Variants in CDK14 observed in about 807,000 individuals in gnomAD.
CDK14 encodes cyclin dependent kinase 14.
A neutral mutation model predicts 60.7 loss-of-function variants in CDK14; 34 were observed. That is an observed-to-expected ratio of 0.56 (90% CI 0.43 to 0.75). The LOEUF (loss-of-function observed/expected upper bound fraction) is 0.75. CDK14 is among the 30% of genes least tolerant of loss of function. CDK14 has a pLI of 0.00. For synonymous variants in CDK14, 197 were observed against 203.7 expected, an observed-to-expected ratio of 0.97 and a Z score of 0.28; for missense variants, 482 against 564.1, an observed-to-expected ratio of 0.85 and a Z score of 1.47.
At chr7:90,834,560 T>G (rs1184216777) in intron 5 of CDK14, among the ~76,000 whole-genome samples, 1 of 152,162 alleles carries the variant, frequency 6.6e-6, no homozygotes, top group African/African-American at 2.4e-5. Context: ...AAAAGAGTAC[T>G]TTGCATTTGG....
intron 8 of CDK14, among the ~76,000 whole-genome samples, chr7:90,946,676 A>G (rs1794111047): frequency 6.6e-6 from 1 of 152,208 alleles, no homozygotes; most frequent in Non-Finnish European, 1.5e-5. Context: ...TGTTTTAAAA[A>G]TTCACTTCAG....
intron 1 of CDK14, among the ~76,000 whole-genome samples, chr7:90,602,032 C>T (rs1026610302): frequency 1.3e-5 from 2 of 152,110 alleles, no homozygotes; most frequent in Non-Finnish European, 2.9e-5. Context: ...GTCTCAAACT[C>T]CTGAGCTCTG....
chr7:90,656,123 G>A (rs1296702946), intron 2 of CDK14, among the ~76,000 whole-genome samples: 1 of 152,166 alleles, frequency 6.6e-6, no homozygotes, highest in Non-Finnish European at 1.5e-5. Flanking sequence ...CAAACAGAGT[G>A]CACTCACTTT....
At chr7:90,733,880 G>C (rs1802975765) in intron 3 of CDK14, among the ~76,000 whole-genome samples, 1 of 152,184 alleles carries the variant, frequency 6.6e-6, no homozygotes, top group South Asian at 2.1e-4. Context: ...TTGCCCATTA[G>C]TTGATGCAGT....
chr7:91,097,160 C>A (rs1799016234), intron 12 of CDK14, among the ~76,000 whole-genome samples: 1 of 152,086 alleles, frequency 6.6e-6, no homozygotes, highest in Non-Finnish European at 1.5e-5. Context: ...GCAGGTGGAT[C>A]ACCTGAAGTC....
intron 2 of CDK14, among the ~76,000 whole-genome samples, chr7:90,656,308 C>T (rs118134444): frequency 0.017 from 2,515 of 152,034 alleles, 35 homozygotes; most frequent in Non-Finnish European, 0.025. Context: ...AAACTAAATA[C>T]GTCATGCATG....
At chr7:90,865,797 C>T (rs569623197) in intron 6 of CDK14, among the ~76,000 whole-genome samples, 2 of 152,212 alleles carry the variant, frequency 1.3e-5, no homozygotes, top group South Asian at 4.1e-4. Context: ...CTCTCAACAG[C>T]CTCATGGAAC....
chr7:90,740,302 GAGAA>G (rs1803294339), intron 3 of CDK14, among the ~76,000 whole-genome samples: 1 of 151,570 alleles, frequency 6.6e-6, no homozygotes, highest in Non-Finnish European at 1.5e-5. Context: ...AAGAAAGAAA[GAGAA>G]AGAGTGTGTG....
Position 91,008,140 on chromosome 7 carries a change from AAAAAACAAAC to A in CDK14, c.1041+23905_1041+23914del, listed in dbSNP as rs1314986409. Among the ~76,000 whole-genome samples the A allele has an allele frequency of 8.2e-5, 12 of 146,680 alleles. 2 individuals are homozygous for A. The South Asian group carries it at 8.7e-4, about 11-fold the overall frequency. On this transcript the variant is annotated intron_variant, in intron 10 of 14. Transcript: ENST00000380050. ...CCGGGAGAAGGCCAAAAAAAAAAAA[AAAAAACAAAC>A]AAAAAAAAACAGTGGATGGTGGAGG...
intron 4 of CDK14, among the ~76,000 whole-genome samples, chr7:90,759,691 G>A (rs973384213): frequency 3.9e-5 from 6 of 152,164 alleles, no homozygotes; most frequent in Non-Finnish European, 8.8e-5. Flanking sequence ...TCTCCCTGGG[G>A]CAGGGTCCTC....
intron 3 of CDK14, among the ~76,000 whole-genome samples, chr7:90,728,761 G>C (rs550479774): frequency 1.1e-3 from 174 of 152,178 alleles, no homozygotes; most frequent in African/African-American, 4.0e-3. Context: ...TATGTTATGA[G>C]TAATGTACTC....
chr7:90,859,711 A>G (rs2117208676), intron 5 of CDK14, among the ~76,000 whole-genome samples: 1 of 152,228 alleles, frequency 6.6e-6, no homozygotes, highest in East Asian at 1.9e-4. Context: ...GTTGCAGTTA[A>G]TGAACTTGGA....
intron 10 of CDK14, among the ~76,000 whole-genome samples, chr7:90,996,877 A>T (rs1171714563): frequency 2.0e-5 from 3 of 152,220 alleles, no homozygotes; most frequent in Admixed American, 2.0e-4. Flanking sequence ...CTTCTCCAGG[A>T]CAAAAGCAAA....
intron 2 of CDK14, among the ~76,000 whole-genome samples, chr7:90,606,965 A>G (rs1799430588): frequency 6.6e-6 from 1 of 152,194 alleles, no homozygotes; most frequent in Non-Finnish European, 1.5e-5. Flanking sequence ...TAAATAATGT[A>G]ACAACCAACA....
chr7:91,015,393 A>T (rs1296811618), intron 10 of CDK14, among the ~76,000 whole-genome samples: 1 of 151,996 alleles, frequency 6.6e-6, no homozygotes, highest in Non-Finnish European at 1.5e-5. Flanking sequence ...GATCAAACAG[A>T]TTGTACTTAC....
intron 11 of CDK14, among the ~76,000 whole-genome samples, chr7:91,048,156 A>G (rs1020851784): frequency 1.3e-5 from 2 of 152,174 alleles, no homozygotes; most frequent in Admixed American, 6.5e-5. Context: ...CCCCTCTGCC[A>G]ACTTCCCCTG....
intron 2 of CDK14, among the ~76,000 whole-genome samples, chr7:90,652,225 AG>A (rs1327085096): frequency 6.6e-6 from 1 of 152,222 alleles, no homozygotes; most frequent in Non-Finnish European, 1.5e-5. Flanking sequence ...TAAAATTTGA[AG>A]TACTTGCTGA....
intron 8 of CDK14, among the ~76,000 whole-genome samples, chr7:90,953,895 A>G (rs1222735599): frequency 6.6e-6 from 1 of 152,156 alleles, no homozygotes; most frequent in Non-Finnish European, 1.5e-5. Context: ...GAGACACTTT[A>G]TCATCTTGAT....
chr7:91,000,296 A>G (rs1283483936), intron 10 of CDK14, among the ~76,000 whole-genome samples: 1 of 152,208 alleles, frequency 6.6e-6, no homozygotes, highest in Non-Finnish European at 1.5e-5. Flanking sequence ...AAAGAACTAC[A>G]AACCAGTCTT....
Sources: gnomAD v4.1 joint callset for allele counts (sites outside exome capture counted in the v4.1 genomes callset) on GRCh38, gnomAD v4.1.1 for gene constraint, MANE v1.5 for transcripts, NCBI Gene and HGNC (gene_info 2026-07-23, HGNC 2026-07-21) for gene names.